The following C8orf34 variants were observed in gnomAD, a reference collection of about 807,000 sequenced individuals.
C8orf34 encodes chromosome 8 open reading frame 34.
Under a neutral mutation model 68.3 loss-of-function variants are expected in C8orf34, and 65 were observed. The observed-to-expected ratio is 0.95, with a 90% CI of 0.78 to 1.17. C8orf34 has a LOEUF of 1.17. Among genes scored for constraint, C8orf34 ranks in the 50% most tolerant of loss-of-function variants. C8orf34 has a pLI of 0.00. For synonymous variants in C8orf34, 244 were observed against 241.2 expected (o/e 1.01, Z -0.11); for missense variants, 664 against 655.4 (o/e 1.01, Z -0.14).
At chr8:68,569,278 C>T (rs192882893) in intron 7 of C8orf34, among the ~76,000 whole-genome samples, 110 of 152,356 alleles carry the variant, frequency 7.2e-4, no homozygotes, top group African/African-American at 2.3e-3. Flanking sequence ...TCACCACGCA[C>T]GTGGTGGGAG....
At chr8:68,497,930 G>A (rs1813602332) in intron 5 of C8orf34, among the ~76,000 whole-genome samples, 1 of 152,140 alleles carries the variant, frequency 6.6e-6, no homozygotes, top group Non-Finnish European at 1.5e-5. Flanking sequence ...CCGGGTTCAA[G>A]CGATTTTCCT....
chr8:68,443,237 A>G (rs1463891946), intron 2 of C8orf34, among the ~76,000 whole-genome samples: 1 of 152,116 alleles, frequency 6.6e-6, no homozygotes, highest in African/African-American at 2.4e-5. Context: ...CCAGAGGAAG[A>G]GGAAAAATTT....
At chr8:68,611,777 G>A (rs564700072) in intron 7 of C8orf34, among the ~76,000 whole-genome samples, 3 of 152,160 alleles carry the variant, frequency 2.0e-5, no homozygotes, top group South Asian at 4.2e-4. Context: ...TTGATTAAGG[G>A]GTAAAGTGAA....
At chr8:68,740,777 C>T (rs1328473426) in intron 10 of C8orf34, among the ~76,000 whole-genome samples, 1 of 152,078 alleles carries the variant, frequency 6.6e-6, no homozygotes, top group Non-Finnish European at 1.5e-5. Context: ...GTCATAAAAA[C>T]ACATATGTTC....
chr8:68,553,405 A>AAAAAAAAAAAAAAAAAAC, intron 7 of C8orf34, among the ~76,000 whole-genome samples: 1 of 141,098 alleles, frequency 7.1e-6, no homozygotes, highest in African/African-American at 2.8e-5. Flanking sequence ...AAAAAAAAAA[A>AAAAAAAAAAAAAAAAAAC]AAAAACATAT....
intron 6 of C8orf34, among the ~76,000 whole-genome samples, chr8:68,530,378 A>C (rs4455810): frequency 1.3e-5 from 2 of 151,966 alleles, no homozygotes; most frequent in African/African-American, 4.8e-5. Flanking sequence ...CTAGTAGTCA[A>C]AATCAAAAGC....
rs147507186 is a variant in C8orf34, at chr8:68,799,915, A to C, written c.1549+12379A>C. 9.7e-4 allele frequency among the ~76,000 whole-genome samples: 148 copies of C among 152,284 alleles called. 1 individual carries two copies. Among genetic ancestry groups the C allele is most frequent in the African/African-American group, 3.4e-3 (143 of 41,566 alleles). On this transcript the variant is annotated intron_variant, in intron 12 of 13. Coordinates refer to ENST00000518698, the MANE Select transcript of C8orf34 (RefSeq NM_052958.4). ...ATATTTTGAAGGGCAGGGATGGACA[A>C]GAAGGTCATATAGGCAAGAACCACA...
At chr8:68,579,790 A>G (rs140693173) in intron 7 of C8orf34, among the ~76,000 whole-genome samples, 161 of 152,294 alleles carry the variant, frequency 1.1e-3, no homozygotes, top group Middle Eastern at 0.01. Flanking sequence ...TGTATGGCAT[A>G]TGTGCGGCTA....
chr8:68,370,033 G>A (rs1442487126), intron 1 of C8orf34, among the ~76,000 whole-genome samples: 3 of 152,134 alleles, frequency 2.0e-5, no homozygotes, highest in Non-Finnish European at 4.4e-5. Flanking sequence ...GTGTTAGGTG[G>A]CATAAATGCA....
rs774712867 is a variant in C8orf34 at position 68,412,016 on chromosome 8, C to A, written c.328-27483C>A. On this transcript the variant is annotated intron_variant, in intron 1 of 13. Transcript: ENST00000518698. ...AAAAAGGACCTGAAGTAGCTTTAAC[C>A]CCTTTGTCCTGCCATGTGAGGACAC... Among the ~76,000 whole-genome samples, 68 of 152,160 alleles carry A rather than the reference C, an allele frequency of 4.5e-4. 1 individual carries two copies. The highest frequency in any genetic ancestry group is 1.0e-4 in the Non-Finnish European group (7 of 68,026).
chr8:68,525,931 C>A, intron 6 of C8orf34: 1 of 221,894 alleles, frequency 4.5e-6, no homozygotes, highest in Non-Finnish European at 8.9e-6. Flanking sequence ...AAGATGGCAG[C>A]TGAAAGAGAC....
At chr8:68,795,519 TTATC>T (rs1415850668) in intron 12 of C8orf34, among the ~76,000 whole-genome samples, 1 of 152,198 alleles carries the variant, frequency 6.6e-6, no homozygotes, top group Non-Finnish European at 1.5e-5. Flanking sequence ...TGCTGTTTCT[TTATC>T]TAGCAACTTC....
At chr8:68,641,476 C>T (rs948180428) in intron 8 of C8orf34, among the ~76,000 whole-genome samples, 2 of 152,198 alleles carry the variant, frequency 1.3e-5, no homozygotes, top group African/African-American at 4.8e-5. Context: ...GCAATGGAAA[C>T]ATTGCTTCAG....
intron 3 of C8orf34, among the ~76,000 whole-genome samples, chr8:68,465,519 C>G (rs996937685): frequency 6.6e-6 from 1 of 152,068 alleles, no homozygotes; most frequent in Non-Finnish European, 1.5e-5. Flanking sequence ...TATTGCAGCA[C>G]TATTCACAAT....
At chr8:68,331,503 C>T in intron 1 of C8orf34, 164 bp downstream of exon 1, 3 of 808,966 alleles carry the variant, frequency 3.7e-6, no homozygotes, top group Non-Finnish European at 6.0e-6. Flanking sequence ...CTGTCCCGGC[C>T]AGGTGTCCTG....
intron 8 of C8orf34, among the ~76,000 whole-genome samples, chr8:68,693,449 C>T (rs1820739879): frequency 6.6e-6 from 1 of 151,978 alleles, no homozygotes; most frequent in Non-Finnish European, 1.5e-5. Context: ...TCAGCTTTTT[C>T]AAAATCTGAA....
intron 10 of C8orf34, among the ~76,000 whole-genome samples, chr8:68,738,845 C>G (rs568849217): frequency 6.6e-6 from 1 of 152,104 alleles, no homozygotes; most frequent in Non-Finnish European, 1.5e-5. Flanking sequence ...CAGCTGAATT[C>G]TACCAGATGT....
intron 1 of C8orf34, among the ~76,000 whole-genome samples, chr8:68,428,386 A>G (rs950748342): frequency 1.3e-5 from 2 of 152,098 alleles, no homozygotes; most frequent in African/African-American, 4.8e-5. Flanking sequence ...AGAGAGAGTT[A>G]CAAGACACAA....
At chr8:68,736,763 A>C (rs185052172) in intron 10 of C8orf34, among the ~76,000 whole-genome samples, 66 of 152,108 alleles carry the variant, frequency 4.3e-4, no homozygotes, top group East Asian at 2.9e-3. Flanking sequence ...TTCATTGGCC[A>C]CTTTTTCCAA....
Sources: gnomAD v4.1 joint callset for allele counts (sites outside exome capture counted in the v4.1 genomes callset) on GRCh38, gnomAD v4.1.1 for gene constraint, MANE v1.5 for transcripts, NCBI Gene and HGNC (gene_info 2026-07-23, HGNC 2026-07-21) for gene names.